The following VDAC2 variants were observed in gnomAD, a reference collection of about 807,000 sequenced individuals.
VDAC2 encodes voltage dependent anion channel 2, also known as non-selective voltage-gated ion channel VDAC2.
In VDAC2, 6 loss-of-function variants were observed where a neutral mutation model predicts 36.6. The ratio of observed to expected loss-of-function variants is 0.16; its 90% CI spans 0.09 to 0.32. The LOEUF (loss-of-function observed/expected upper bound fraction) is 0.32. VDAC2 is among the 10% of genes least tolerant of loss of function. The pLI is 1.00. For synonymous variants in VDAC2, 109 were observed against 123.8 expected, an observed-to-expected ratio of 0.88 and a Z score of 0.79; for missense variants, 247 against 346.0, an observed-to-expected ratio of 0.71 and a Z score of 2.27.
intron 2 of VDAC2, 140 bp downstream of exon 2, chr10:75,211,329 C>T: frequency 7.1e-7 from 1 of 1,413,108 alleles, no homozygotes; most frequent in Non-Finnish European, 9.6e-7. Context: ...CGTCTGACCA[C>T]CTCCTCTGCG....
chr10:75,220,664 AT>A lies in VDAC2; in HGVS notation c.357-76del, dbSNP rs199508974. 69 of 1,273,434 alleles carry A rather than the reference AT, an allele frequency of 5.4e-5. 1 individual carries two copies. The highest frequency in any genetic ancestry group is 2.6e-4 in the Admixed American group (12 of 45,362). The allele number at this position is 1,273,434 out of a possible 1,614,324, so 78.9% of individuals were successfully genotyped here. Reference sequence around the variant, plus strand: ...TTACTCCCTGGTCATACTGCAGTTTATTTAAGTCTGTTTTGTGCTCTCTTGT... The same window carrying A: ...TTACTCCCTGGTCATACTGCAGTTTATTAAGTCTGTTTTGTGCTCTCTTGT... On this transcript the variant is annotated intron_variant, in intron 6 of 9. Transcript: ENST00000332211.
intron 2 of VDAC2, among the ~76,000 whole-genome samples, chr10:75,211,913 C>T (rs1841435687): frequency 6.6e-6 from 1 of 152,178 alleles, no homozygotes. Context: ...CATAAATATC[C>T]ATACACACAA....
intron 4 of VDAC2, among the ~76,000 whole-genome samples, chr10:75,214,994 G>T (rs530114620): frequency 6.6e-5 from 10 of 151,912 alleles, no homozygotes; most frequent in Middle Eastern, 6.8e-3. Flanking sequence ...GCTCACTGCA[G>T]CCTCGACCTC....
intron 4 of VDAC2, among the ~76,000 whole-genome samples, chr10:75,214,721 C>T (rs2132255791): frequency 6.6e-6 from 1 of 152,332 alleles, no homozygotes; most frequent in African/African-American, 2.4e-5. Context: ...GCTGGGGTTT[C>T]ACCATGTTGG....
chr10:75,221,372 TCAGA>T (rs897463523), intron 7 of VDAC2, among the ~76,000 whole-genome samples: 15 of 152,160 alleles, frequency 9.9e-5, no homozygotes, highest in Admixed American at 1.3e-4. Context: ...TTGTTTTGGT[TCAGA>T]CAGAGTCTTG....
At chr10:75,224,284 C>T (rs2132275062) in intron 8 of VDAC2, among the ~76,000 whole-genome samples, 1 of 152,278 alleles carries the variant, frequency 6.6e-6, no homozygotes, top group Non-Finnish European at 1.5e-5. Context: ...GGAAAGCCCT[C>T]ACACATGTGG....
In VDAC2 at chr10:75,212,236, G is replaced by T. The variant is rs2132250525; in HGVS notation, c.38G>T (p.Cys13Phe). The change falls in exon 3 of 10, where the codon TGT becomes TTT. Residue 13 changes from cysteine to phenylalanine, a missense_variant. Coordinates refer to ENST00000332211, the MANE Select transcript of VDAC2 (RefSeq NM_001391963.1). Reference sequence around the variant, plus strand: ...AATGTTTTTTTTCTACCAGCAATGTGTATTCCTCCATCATATGCTGACCTT... The same window carrying T: ...AATGTTTTTTTTCTACCAGCAATGTTTATTCCTCCATCATATGCTGACCTT... ...THGQTCARPM[C>F]IPPSYADLGK... 6.2e-7 allele frequency: 1 copy of T among 1,613,666 alleles called. No homozygotes were observed. The highest frequency in any genetic ancestry group is 1.1e-5 in the South Asian group (1 of 90,988).
chr10:75,217,978 C>T, intron 4 of VDAC2: 1 of 1,276,344 alleles, frequency 7.8e-7, no homozygotes, highest in Non-Finnish European at 1.0e-6. Context: ...ATCCCAGCTA[C>T]TCAGGAGGCT....
chr10:75,223,684 A>G lies in VDAC2; in HGVS notation c.735+1282A>G, dbSNP rs144654714. Among the ~76,000 whole-genome samples, 8 of 152,326 alleles carry G rather than the reference A, an allele frequency of 5.3e-5. No individual in the cohort carries two copies. In the East Asian group the frequency reaches 1.5e-3, roughly 29 times the overall value. On this transcript the variant is annotated intron_variant, in intron 8 of 9. Coordinates refer to ENST00000332211, the MANE Select transcript of VDAC2 (RefSeq NM_001391963.1). ...AGTATTAAGTATCTTTTTGTATGCT[A>G]ATGAGTTTTGACTGGTGGCTGGCCA...
chr10:75,220,789 A>C lies in VDAC2; in HGVS notation c.403A>C (p.Asn135His). 1 of 1,612,958 alleles carries C rather than the reference A, an allele frequency of 6.2e-7. No homozygotes were observed. The highest frequency in any genetic ancestry group is 8.5e-7 in the Non-Finnish European group (1 of 1,179,242). Residue 135 changes from asparagine to histidine, a missense_variant, in exon 7 of 10, where the codon AAC becomes CAC. Asn to His is a moderately conservative substitution (Grantham distance 68). Transcript: ENST00000332211. The part of the protein sequence containing the change: ...IKSSYKRECI[N>H]LGCDVDFDFA... Reference sequence around the variant, plus strand: ...GTCTTCTTACAAGAGGGAGTGTATAAACCTTGGTTGTGATGTTGACTTTGA... The same window carrying C: ...GTCTTCTTACAAGAGGGAGTGTATACACCTTGGTTGTGATGTTGACTTTGA...
At chr10:75,227,577 ATT>A (rs35378957) in intron 8 of VDAC2, among the ~76,000 whole-genome samples, 36 of 99,918 alleles carry the variant, frequency 3.6e-4, no homozygotes, top group African/African-American at 5.8e-4. Context: ...AATAATAGGA[ATT>A]TTTTTTTTTT....
intron 6 of VDAC2, among the ~76,000 whole-genome samples, chr10:75,220,014 G>A (rs539815889): frequency 6.6e-6 from 1 of 150,710 alleles, no homozygotes; most frequent in South Asian, 2.1e-4. Flanking sequence ...TTTTGGTAGA[G>A]ACAGGGTTTC....
intron 2 of VDAC2, 149 bp downstream of exon 2, chr10:75,211,338 C>T (rs1056520968): frequency 2.2e-6 from 3 of 1,391,720 alleles, no homozygotes; most frequent in African/African-American, 1.5e-5. Flanking sequence ...ACCTCCTCTG[C>T]GGAGGAGGGG....
intron 8 of VDAC2, among the ~76,000 whole-genome samples, chr10:75,223,909 A>G (rs1479826934): frequency 6.6e-6 from 1 of 152,246 alleles, no homozygotes; most frequent in African/African-American, 2.4e-5. Context: ...GGAAGGTGGC[A>G]TGTCTGGAGA....
intron 9 of VDAC2, 44 bp from the exon 10 acceptor site, chr10:75,230,854 G>A (rs1299411363): frequency 6.5e-7 from 1 of 1,548,024 alleles, no homozygotes; most frequent in Admixed American, 1.7e-5. Context: ...TGACGTGCCA[G>A]GTACATCACG....
chr10:75,225,072 T>C (rs1176524892), intron 8 of VDAC2, among the ~76,000 whole-genome samples: 1 of 152,330 alleles, frequency 6.6e-6, no homozygotes, highest in East Asian at 1.9e-4. Context: ...ATAAGTCTTA[T>C]AATACTGATT....
At chr10:75,219,241 A>G in intron 5 of VDAC2, 26 bp downstream of exon 5, 1 of 1,555,488 alleles carries the variant, frequency 6.4e-7, no homozygotes, top group African/African-American at 1.4e-5. Context: ...TTTTAGTATT[A>G]ATTTTATTAA....
In VDAC2 at chr10:75,229,493, C is replaced by A. The variant is rs1028842448; in HGVS notation, c.736-151C>A. 1.3e-5 allele frequency: 7 copies of A among 549,478 alleles called. No individual in the cohort carries two copies. In the African/African-American group the frequency reaches 1.4e-4, roughly 11 times the overall value. The allele number at this position is 549,478 out of a possible 1,614,324, so 34.0% of individuals were successfully genotyped here. On this transcript the variant is annotated intron_variant, in intron 8 of 9. Coordinates refer to ENST00000332211, the MANE Select transcript of VDAC2 (RefSeq NM_001391963.1). ...TTGAATGGATACGAATTAAATAGTA[C>A]CTGGTTTGTTTGGCTTAATACATAA...
At chr10:75,229,599 C>G in intron 8 of VDAC2, 45 bp from the exon 9 acceptor site, 2 of 1,466,596 alleles carry the variant, frequency 1.4e-6, no homozygotes, top group South Asian at 1.2e-5. Context: ...GGCTTTGTCT[C>G]TATTGAAATA....
Sources: allele counts gnomAD v4.1 joint callset (sites outside exome capture counted in the v4.1 genomes callset), GRCh38; gene constraint gnomAD v4.1.1; transcripts MANE v1.5; gene names NCBI Gene and HGNC (gene_info 2026-07-23, HGNC 2026-07-21).